The following NT5C1B variants were observed in gnomAD, a reference collection of about 807,000 sequenced individuals.
NT5C1B encodes the protein cytosolic 5'-nucleotidase 1B.
In NT5C1B, 44 loss-of-function variants were observed where a neutral mutation model predicts 57.8. That is an observed-to-expected ratio of 0.76 (90% confidence interval 0.60 to 0.98). The LOEUF (loss-of-function observed/expected upper bound fraction) is 0.98. Ranked by LOEUF, NT5C1B falls within the 50% of genes least tolerant of loss-of-function variation. The pLI is 0.00. For missense variants in NT5C1B, 742 were observed against 719.5 expected (o/e 1.03, Z -0.36); for synonymous variants, 284 against 282.6 (o/e 1.00, Z -0.05).
At chr2:18,563,595 G>A in exon 9 of NT5C1B, 1 of 501,350 alleles carries the variant, frequency 2.0e-6, no homozygotes, top group East Asian at 3.0e-5. Flanking sequence ...GCATTCAACA[G>A]TATTGGTAGT....
At chr2:18,580,384 C>T (rs1158692786) in intron 6 of NT5C1B, among the ~76,000 whole-genome samples, 2 of 152,238 alleles carry the variant, frequency 1.3e-5, no homozygotes, top group East Asian at 1.9e-4. Flanking sequence ...GAGGCCAAGG[C>T]GGGCAGATCA....
At chr2:18,572,078 T>C in intron 8 of NT5C1B, among the ~76,000 whole-genome samples, 1 of 79,710 alleles carries the variant, frequency 1.3e-5, no homozygotes, top group Admixed American at 1.3e-4. Context: ...AGAGCGAGAC[T>C]CTGTCAAAAA....
chr2:18,583,667 C>CT (rs1385654836), intron 5 of NT5C1B: 16 of 361,972 alleles, frequency 4.4e-5, no homozygotes, highest in Non-Finnish European at 6.5e-5. Flanking sequence ...TAAAGTCACA[C>CT]TCCTAAGTGC....
At chr2:18,586,659 T>A (rs1666739017) in intron 2 of NT5C1B, 1 of 589,372 alleles carries the variant, frequency 1.7e-6, no homozygotes, top group South Asian at 2.3e-5. Flanking sequence ...CTGTGACTCC[T>A]CTTATGTGGA....
intron 5 of NT5C1B, 74 bp from the exon 6 acceptor site, chr2:18,583,071 T>A (rs1666323594): frequency 1.3e-6 from 2 of 1,537,862 alleles, no homozygotes; most frequent in Non-Finnish European, 8.7e-7. Flanking sequence ...AGAGGAAGCA[T>A]CTCATCAGAG....
rs564317124 is a variant in NT5C1B at position 18,577,379 on chromosome 2, G to A, written c.1022-484C>T. On this transcript the variant is annotated intron_variant, in intron 6 of 8. Coordinates refer to ENST00000304081, the Ensembl canonical transcript of NT5C1B. ...CTATTAAGATGTGGCTCTCGAGATC[G>A]CGCCACTGCACTCCAGCCTGGTGAA... 1.7e-4 allele frequency among the ~76,000 whole-genome samples: 23 copies of A among 136,588 alleles called. No individual in the cohort carries two copies. The South Asian group carries it at 2.5e-3, about 15-fold the overall frequency. The allele number at this position is 136,588 out of a possible 152,430, so 89.6% of individuals were successfully genotyped here.
intron 8 of NT5C1B, among the ~76,000 whole-genome samples, chr2:18,567,166 A>G (rs1409413618): frequency 6.6e-6 from 1 of 152,128 alleles, no homozygotes; most frequent in African/African-American, 2.4e-5. Flanking sequence ...GGGGTGATAG[A>G]ATAAAGCCAT....
Position 18,571,718 on chromosome 2 carries a change from G to GTATA in NT5C1B, c.1329+4462_1329+4465dup, listed in dbSNP as rs59799495. 2.1e-3 allele frequency among the ~76,000 whole-genome samples: 231 copies of GTATA among 111,330 alleles called. 1 individual carries two copies. The highest frequency in any genetic ancestry group is 0.01 in the East Asian group (30 of 2,892). The allele number at this position is 111,330 out of a possible 152,430, so 73.0% of individuals were successfully genotyped here. On this transcript the variant is annotated intron_variant, in intron 8 of 8. Coordinates refer to ENST00000304081, the Ensembl canonical transcript of NT5C1B. Reference sequence around the variant, plus strand: ...TCTCTCTCTTTCTCTCTGTGTGTGTGTATATATATATATATATATATATAT... The same window carrying GTATA: ...TCTCTCTCTTTCTCTCTGTGTGTGTGTATATATATATATATATATATATATATAT...
chr2:18,584,930 G>C lies in NT5C1B; in HGVS notation c.307C>G (p.Leu103Val), dbSNP rs778129634. The C allele has an allele frequency of 1.3e-6, 2 of 1,542,550 alleles. No individual in the cohort carries two copies. The highest frequency in any genetic ancestry group is 2.4e-5 in the South Asian group (2 of 81,766). ...AGCGGCGGCGGTGAGGAGTCATGCA[G>C]GCTTGGGGAGGTGGATGGAGTCCGG... The change falls in exon 4 of 9, where the codon CTG (leucine) becomes GTG (valine). Residue 103 changes from leucine to valine, a missense_variant. Coordinates refer to ENST00000304081, the Ensembl canonical transcript of NT5C1B. The surrounding 1 kb of genome is among the most constrained non-coding windows in gnomAD (Gnocchi z 5.8).
At chr2:18,564,958 T>C (rs1664511741) in intron 8 of NT5C1B, among the ~76,000 whole-genome samples, 1 of 152,168 alleles carries the variant, frequency 6.6e-6, no homozygotes, top group African/African-American at 2.4e-5. Context: ...GAATCCCAGA[T>C]CTATTATTCT....
At position 18,586,648 on chromosome 2, in the gene NT5C1B, A is replaced by G; in HGVS notation, c.121-257T>C. On this transcript the variant is annotated intron_variant, in intron 2 of 8. Transcript: ENST00000304081. ...AACCAAGATGCAAACATATTTTTTC[A>G]CTGTGACTCCTCTTATGTGGATATT... 3 of 598,560 alleles carry G rather than the reference A, an allele frequency of 5.0e-6. No homozygotes were observed. The South Asian group carries it at 7.0e-5, about 14-fold the overall frequency. The allele number at this position is 598,560 out of a possible 1,614,324, so 37.1% of individuals were successfully genotyped here. A position where few individuals can be genotyped will look rare whatever the true frequency, so the allele number is the denominator to read the frequency against.
intron 8 of NT5C1B, among the ~76,000 whole-genome samples, chr2:18,565,815 C>T (rs955216065): frequency 5.9e-5 from 9 of 152,082 alleles, no homozygotes; most frequent in African/African-American, 2.2e-4. Context: ...TAACATCAGT[C>T]CCCCTCCCCC....
chr2:18,587,672 A>C (rs758863567), intron 1 of NT5C1B, 80 bp from the exon 2 acceptor site: 88 of 1,473,348 alleles, frequency 6.0e-5, no homozygotes, highest in Non-Finnish European at 7.8e-5. Context: ...TAAAAGGATA[A>C]AGAAAACACA....
intron 7 of NT5C1B, 23 bp from the exon 8 acceptor site, chr2:18,576,391 T>A (rs746909254): frequency 5.6e-6 from 9 of 1,601,170 alleles, no homozygotes; most frequent in Non-Finnish European, 7.7e-6. Context: ...GGAGACTGAT[T>A]AATACTCTTC....
At chr2:18,582,876 T>C (rs2148159335) in exon 6 of NT5C1B, 4 of 1,613,796 alleles carry the variant, frequency 2.5e-6, no homozygotes, top group East Asian at 2.2e-5. Flanking sequence ...ACCGTAGTGA[T>C]TGACGCTGTT....
chr2:18,564,155 T>C (rs758695668), intron 8 of NT5C1B, 36 bp from the exon 9 acceptor site: 1 of 1,509,306 alleles, frequency 6.6e-7, no homozygotes, highest in Non-Finnish European at 8.9e-7. Flanking sequence ...TGTGATACAG[T>C]GAGCCAAAGA....
At chr2:18,572,972 T>C (rs1167615979) in intron 8 of NT5C1B, among the ~76,000 whole-genome samples, 1 of 152,222 alleles carries the variant, frequency 6.6e-6, no homozygotes, top group Non-Finnish European at 1.5e-5. Context: ...AAATGAAATC[T>C]TATATTTACA....
chr2:18,565,175 G>A (rs566344218), intron 8 of NT5C1B, among the ~76,000 whole-genome samples: 141 of 151,956 alleles, frequency 9.3e-4, no homozygotes, highest in Admixed American at 1.6e-3. Flanking sequence ...TACTTCTTCC[G>A]TAGACCTTCT....
At chr2:18,571,141 C>T (rs969395992) in intron 8 of NT5C1B, among the ~76,000 whole-genome samples, 1 of 152,144 alleles carries the variant, frequency 6.6e-6, no homozygotes, top group African/African-American at 2.4e-5. Context: ...TGTCCACCCT[C>T]ATCACTGTTC....
Sources: gnomAD v4.1 joint callset for allele counts (sites outside exome capture counted in the v4.1 genomes callset) on GRCh38, gnomAD v4.1.1 for gene constraint, Gnocchi (gnomAD v3.1) non-coding constraint, MANE v1.5 for transcripts, NCBI Gene and HGNC (gene_info 2026-07-23, HGNC 2026-07-21) for gene names.